ERC2: variants seen among roughly 807,000 people sequenced by gnomAD.
ERC2 encodes the protein ELKS/RAB6-interacting/CAST family member 2.
In ERC2, 42 loss-of-function variants were observed where a neutral mutation model predicts 114.8. The observed-to-expected ratio is 0.37, with a 90% CI of 0.29 to 0.47. The LOEUF (loss-of-function observed/expected upper bound fraction) is 0.47, where lower values mean the gene tolerates loss of function less well. Among genes scored for constraint, ERC2 ranks in the 20% least tolerant of loss-of-function variants. The pLI, the probability that ERC2 is intolerant of heterozygous loss-of-function variation, is 0.99. For synonymous variants in ERC2, 454 were observed against 425.5 expected, an observed-to-expected ratio of 1.07 and a Z score of -0.82; for missense variants, 939 against 1,150.7, an observed-to-expected ratio of 0.82 and a Z score of 2.66.
chr3:55,538,526 G>T (rs190470112), intron 17 of ERC2, among the ~76,000 whole-genome samples: 1 of 152,356 alleles, frequency 6.6e-6, no homozygotes, highest in East Asian at 1.9e-4. Context: ...AAAGCTGCTG[G>T]CAAAATGGGA....
intron 7 of ERC2, among the ~76,000 whole-genome samples, chr3:56,021,498 A>C (rs564403529): frequency 6.6e-6 from 1 of 152,328 alleles, no homozygotes; most frequent in African/African-American, 2.4e-5. Context: ...ACAAATGCCT[A>C]CTTAATACTA....
chr3:56,302,309 G>A (rs1366732825), intron 2 of ERC2, among the ~76,000 whole-genome samples: 2 of 152,108 alleles, frequency 1.3e-5, no homozygotes, highest in Non-Finnish European at 2.9e-5. Context: ...TGACAATGTA[G>A]GAAATGGCCA....
chr3:55,523,035 C>T (rs2053068129), intron 17 of ERC2, among the ~76,000 whole-genome samples: 1 of 152,212 alleles, frequency 6.6e-6, no homozygotes, highest in African/African-American at 2.4e-5. Context: ...AGGCTTAACT[C>T]CTCTAAGACT....
intron 2 of ERC2, among the ~76,000 whole-genome samples, chr3:56,405,660 CAGAT>C (rs754359342): frequency 4.5e-4 from 48 of 106,946 alleles, no homozygotes; most frequent in African/African-American, 1.1e-3. Context: ...GATAGATAGA[CAGAT>C]AGATAGATAG....
At chr3:55,576,153 TAA>T (rs1199299307) in intron 17 of ERC2, among the ~76,000 whole-genome samples, 1 of 151,246 alleles carries the variant, frequency 6.6e-6, no homozygotes, top group Non-Finnish European at 1.5e-5. Flanking sequence ...CCACTAAAAA[TAA>T]AAAAAATTAT....
intron 13 of ERC2, among the ~76,000 whole-genome samples, chr3:55,940,950 A>C (rs1038297373): frequency 6.6e-6 from 1 of 152,190 alleles, no homozygotes; most frequent in Admixed American, 6.5e-5. Flanking sequence ...AAACAGTTCC[A>C]CTCAGGAGAA....
intron 3 of ERC2, among the ~76,000 whole-genome samples, chr3:56,255,871 G>A (rs772558733): frequency 3.3e-5 from 5 of 152,198 alleles, no homozygotes; most frequent in Non-Finnish European, 7.3e-5. Context: ...TCGTTGCCTA[G>A]GAGCTAATTA....
chr3:56,294,693 C>T (rs1372065195), intron 3 of ERC2, among the ~76,000 whole-genome samples: 1 of 152,154 alleles, frequency 6.6e-6, no homozygotes, highest in Non-Finnish European at 1.5e-5. Flanking sequence ...CATTTAGGAG[C>T]AAGTTATGAG....
intron 6 of ERC2, among the ~76,000 whole-genome samples, chr3:56,097,661 A>G (rs2078136860): frequency 6.6e-6 from 1 of 152,212 alleles, no homozygotes; most frequent in Non-Finnish European, 1.5e-5. Flanking sequence ...GGAAGTTCCC[A>G]CCGTTTTCAC....
intron 13 of ERC2, among the ~76,000 whole-genome samples, chr3:55,912,553 T>A (rs2064869580): frequency 6.6e-6 from 1 of 152,226 alleles, no homozygotes; most frequent in Non-Finnish European, 1.5e-5. Flanking sequence ...TTGATGGTCA[T>A]ATTTATCACT....
intron 14 of ERC2, among the ~76,000 whole-genome samples, chr3:55,750,059 C>T (rs931219931): frequency 1.3e-5 from 2 of 152,130 alleles, no homozygotes; most frequent in African/African-American, 4.8e-5. Context: ...GTCTTAATTT[C>T]TACCATTTTC....
At chr3:55,919,808 T>A (rs186065085) in intron 13 of ERC2, among the ~76,000 whole-genome samples, 2 of 152,132 alleles carry the variant, frequency 1.3e-5, no homozygotes, top group African/African-American at 4.8e-5. Context: ...CCAGTGGCTA[T>A]CAGGGGAAGG....
chr3:55,839,917 G>A (rs1257885149), intron 14 of ERC2, among the ~76,000 whole-genome samples: 1 of 151,836 alleles, frequency 6.6e-6, no homozygotes, highest in Non-Finnish European at 1.5e-5. Flanking sequence ...AAAAAAGCAA[G>A]ACTCAAATAT....
chr3:55,976,756 A>T (rs2069623308), intron 12 of ERC2, among the ~76,000 whole-genome samples: 2 of 152,208 alleles, frequency 1.3e-5, no homozygotes, highest in African/African-American at 2.4e-5. Flanking sequence ...AAATAAATTT[A>T]TATCCATGCT....
intron 14 of ERC2, among the ~76,000 whole-genome samples, chr3:55,831,326 G>T (rs1259023320): frequency 8.3e-6 from 1 of 120,902 alleles, no homozygotes; most frequent in African/African-American, 3.4e-5. Context: ...GGAAAGAAGA[G>T]GGGAGGGGAA....
chr3:55,768,163 C>T (rs1443949689), intron 14 of ERC2, among the ~76,000 whole-genome samples: 3 of 152,204 alleles, frequency 2.0e-5, no homozygotes, highest in African/African-American at 7.2e-5. Context: ...GCCTGCAAAA[C>T]CATGAGCCAA....
At chr3:55,916,196 G>C (rs1384858165) in intron 13 of ERC2, among the ~76,000 whole-genome samples, 1 of 152,132 alleles carries the variant, frequency 6.6e-6, no homozygotes, top group African/African-American at 2.4e-5. Context: ...GGAAGAATGA[G>C]TGTACTTCAC....
At chr3:55,675,065 G>T (rs1032791982) in intron 17 of ERC2, among the ~76,000 whole-genome samples, 1 of 152,154 alleles carries the variant, frequency 6.6e-6, no homozygotes, top group African/African-American at 2.4e-5. Flanking sequence ...GCTTCAGAGG[G>T]ATGGGGGCCT....
At position 55,775,253 on chromosome 3, in the gene ERC2, CG is replaced by C. The variant is rs1218315217; in HGVS notation, c.2565-40336del. ...AGAAAAAGAAAGAGAGAGTGGGGGT[CG>C]GGTGTGGTAGCTCACACCTGTAATC... is the stretch of plus-strand genomic sequence containing the variant. On this transcript the variant is annotated intron_variant, in intron 14 of 17. Transcript: ENST00000288221. 3.3e-5 allele frequency among the ~76,000 whole-genome samples: 5 copies of C among 152,072 alleles called. No individual in the cohort carries two copies. The South Asian group carries it at 6.2e-4, about 19-fold the overall frequency.
Sources: gnomAD v4.1 joint callset for allele counts (sites outside exome capture counted in the v4.1 genomes callset) on GRCh38, gnomAD v4.1.1 for gene constraint, MANE v1.5 for transcripts, NCBI Gene and HGNC (gene_info 2026-07-23, HGNC 2026-07-21) for gene names.